Variants in GFOD2 observed in about 807,000 individuals in gnomAD.
GFOD2 encodes glucose-fructose oxidoreductase domain-containing protein 2.
In GFOD2, 9 loss-of-function variants were observed where a neutral mutation model predicts 24.6. The ratio of observed to expected loss-of-function variants is 0.37; its 90% CI spans 0.22 to 0.64. The LOEUF (loss-of-function observed/expected upper bound fraction) is 0.64, where lower values mean the gene tolerates loss of function less well. Among genes scored for constraint, GFOD2 ranks in the 30% least tolerant of loss-of-function variants. GFOD2 has a pLI of 0.65. For missense variants in GFOD2, 476 were observed against 532.5 expected, an observed-to-expected ratio of 0.89 and a Z score of 1.04; for synonymous variants, 211 against 224.8, an observed-to-expected ratio of 0.94 and a Z score of 0.55.
At chr16:67,683,603 A>G in intron 2 of GFOD2, 1 of 1,231,716 alleles carries the variant, frequency 8.1e-7, no homozygotes, top group Non-Finnish European at 1.0e-6. Context: ...AACAAACAAT[A>G]AGGCCAAAAC....
At position 67,675,873 on chromosome 16, in the gene GFOD2, A is replaced by T. The variant is rs1177555310; in HGVS notation, c.440T>A (p.Ile147Asn). 1 of 1,614,142 alleles carries T rather than the reference A, an allele frequency of 6.2e-7. No homozygotes were observed. Among genetic ancestry groups the T allele is most frequent in the South Asian group, 1.1e-5 (1 of 91,088 alleles). ...ISEHYVGAVM[I>N]CDARIYSGSL... ...GCCTGAGTAGATGCGGGCATCACAG[A>T]TCATCACCGCTCCCACATAGTGTTC... Residue 147 changes from isoleucine (I) to asparagine (N), a missense_variant, in exon 3 of 3, where the codon ATC becomes AAC. Transcript: ENST00000268797.
intron 1 of GFOD2, among the ~76,000 whole-genome samples, chr16:67,697,845 C>A (rs1322980216): frequency 1.3e-5 from 2 of 152,238 alleles, no homozygotes; most frequent in South Asian, 4.1e-4. Context: ...AGCTGTGGGA[C>A]ATAAAAAGAT....
intron 2 of GFOD2, chr16:67,683,661 T>C: frequency 8.1e-7 from 1 of 1,231,644 alleles, no homozygotes. Flanking sequence ...TCTTTCTCAC[T>C]TCAAAGAACA....
chr16:67,696,296 A>G (rs1001740503), intron 1 of GFOD2, among the ~76,000 whole-genome samples: 1 of 150,558 alleles, frequency 6.6e-6, no homozygotes, highest in African/African-American at 2.4e-5. Context: ...TACAGGCGTG[A>G]GCCACCGCGC....
chr16:67,702,584 T>C (rs2053410218), intron 1 of GFOD2, among the ~76,000 whole-genome samples: 1 of 148,668 alleles, frequency 6.7e-6, no homozygotes, highest in Admixed American at 6.8e-5. Context: ...GTCATGAAGG[T>C]AGCCAGGATT....
At chr16:67,682,173 G>A (rs1251795027) in intron 2 of GFOD2, 3 of 198,438 alleles carry the variant, frequency 1.5e-5, no homozygotes, top group Non-Finnish European at 2.7e-5. Flanking sequence ...GAGTAGCTGG[G>A]ACTATAGGCA....
intron 2 of GFOD2, chr16:67,680,601 T>A: frequency 2.6e-6 from 1 of 384,578 alleles, no homozygotes; most frequent in Non-Finnish European, 3.6e-6. Flanking sequence ...ACCTTGACCC[T>A]GAAGAACCCC....
chr16:67,715,754 A>G (rs2053501796), intron 1 of GFOD2, among the ~76,000 whole-genome samples: 1 of 151,640 alleles, frequency 6.6e-6, no homozygotes, highest in Admixed American at 6.6e-5. Context: ...CTCCAATTCC[A>G]TTCTTTCCTA....
At chr16:67,697,518 G>A (rs1255233135) in intron 1 of GFOD2, among the ~76,000 whole-genome samples, 2 of 152,334 alleles carry the variant, frequency 1.3e-5, no homozygotes, top group East Asian at 3.9e-4. Flanking sequence ...GTACAGATAA[G>A]AAAACATGCT....
chr16:67,681,457 G>C, intron 2 of GFOD2: 1 of 953,100 alleles, frequency 1.0e-6, no homozygotes, highest in Non-Finnish European at 1.2e-6. Context: ...GACTCGCTTT[G>C]TTACCCAGTG....
Position 67,675,891 on chromosome 16 carries a change from T to G in GFOD2, c.422A>C (p.Tyr141Ser). 1 of 1,614,102 alleles carries G rather than the reference T, an allele frequency of 6.2e-7. No homozygotes were observed. The highest frequency in any genetic ancestry group is 1.1e-5 in the South Asian group (1 of 91,078). Residue 141 changes from tyrosine (Y) to serine (S), a missense_variant, in exon 3 of 3, where the codon TAT becomes TCT. Physicochemically the swap from Tyr to Ser is moderately radical, Grantham distance 144. Coordinates refer to ENST00000268797, the MANE Select transcript of GFOD2 (RefSeq NM_030819.4). ...ATCACAGATCATCACCGCTCCCACA[T>G]AGTGTTCCGAAATCAGCTGTTTCAT... ...VRMKQLISEH[Y>S]VGAVMICDAR... is the part of the protein sequence containing the mutation.
At chr16:67,697,888 C>A (rs2053369607) in intron 1 of GFOD2, among the ~76,000 whole-genome samples, 1 of 152,158 alleles carries the variant, frequency 6.6e-6, no homozygotes, top group Admixed American at 6.5e-5. Context: ...GACAAGTCAG[C>A]AAGGTGAGTA....
chr16:67,687,676 A>G (rs921314204), intron 1 of GFOD2, among the ~76,000 whole-genome samples: 20 of 150,980 alleles, frequency 1.3e-4, no homozygotes, highest in Non-Finnish European at 2.7e-4. Flanking sequence ...AGAAAAAAAA[A>G]AGATTTTATT....
chr16:67,700,609 G>A (rs181806815), intron 1 of GFOD2, among the ~76,000 whole-genome samples: 1 of 151,436 alleles, frequency 6.6e-6, no homozygotes, highest in African/African-American at 2.4e-5. Flanking sequence ...CTGCTTGGAA[G>A]GGTGAGGCAG....
intron 2 of GFOD2, chr16:67,681,422 G>C: frequency 1.0e-6 from 1 of 985,038 alleles, no homozygotes; most frequent in South Asian, 4.7e-5. Context: ...CTGAAAAATA[G>C]TCTGTTTTTG....
intron 1 of GFOD2, among the ~76,000 whole-genome samples, chr16:67,696,167 C>T (rs993361404): frequency 1.3e-5 from 2 of 151,994 alleles, no homozygotes; most frequent in Non-Finnish European, 2.9e-5. Context: ...GAGCCCGCCA[C>T]CATGCCTGGC....
chr16:67,693,285 G>GTT (rs113766618), intron 1 of GFOD2, among the ~76,000 whole-genome samples: 4,314 of 143,046 alleles, frequency 0.03, 90 homozygotes, highest in Middle Eastern at 0.15. Flanking sequence ...GGCTTTTTGG[G>GTT]TTTTTTTTTT....
intron 1 of GFOD2, among the ~76,000 whole-genome samples, chr16:67,700,201 C>T (rs1466476939): frequency 6.6e-6 from 1 of 151,962 alleles, no homozygotes; most frequent in African/African-American, 2.4e-5. Flanking sequence ...AGGTAAAACC[C>T]CATCTCTACT....
intron 1 of GFOD2, among the ~76,000 whole-genome samples, chr16:67,703,401 C>A (rs1443026922): frequency 6.6e-6 from 1 of 151,720 alleles, no homozygotes; most frequent in Non-Finnish European, 1.5e-5. Flanking sequence ...AAAACTCTGT[C>A]TCAAACAAAA....
Sources: allele counts gnomAD v4.1 joint callset (sites outside exome capture counted in the v4.1 genomes callset), GRCh38; gene constraint gnomAD v4.1.1; transcripts MANE v1.5; gene names NCBI Gene and HGNC (gene_info 2026-07-23, HGNC 2026-07-21).